The following YTHDF3 variants were observed in gnomAD, a reference collection of about 807,000 sequenced individuals.
YTHDF3 encodes the protein YTH domain-containing family protein 3.
YTHDF3 carries 9 observed loss-of-function variants against 52.5 expected under a neutral mutation model. The ratio of observed to expected loss-of-function variants is 0.17; its 90% CI spans 0.10 to 0.30. YTHDF3 has a LOEUF of 0.30. YTHDF3 is among the 10% of genes least tolerant of loss of function. YTHDF3 has a pLI of 1.00. For synonymous variants in YTHDF3, 274 were observed against 243.3 expected (o/e 1.13, Z -1.18); for missense variants, 534 against 715.0 (o/e 0.75, Z 2.89).
chr8:63,175,186 T>C, intron 2 of YTHDF3, 145 bp from the exon 3 acceptor site: 1 of 587,670 alleles, frequency 1.7e-6, no homozygotes, highest in South Asian at 2.4e-5. Context: ...TCTAAAATAG[T>C]TTATCCTTAA....
intron 4 of YTHDF3, among the ~76,000 whole-genome samples, chr8:63,205,051 C>T (rs1049439672): frequency 2.0e-5 from 3 of 152,064 alleles, no homozygotes; most frequent in African/African-American, 4.8e-5. Flanking sequence ...CAGGAGTTGG[C>T]AGTAAACTTC....
At chr8:63,201,301 A>C (rs1809628322) in intron 4 of YTHDF3, among the ~76,000 whole-genome samples, 1 of 152,078 alleles carries the variant, frequency 6.6e-6, no homozygotes, top group Non-Finnish European at 1.5e-5. Context: ...AGGCGGGAGG[A>C]TTGCTTGAGG....
intron 2 of YTHDF3, among the ~76,000 whole-genome samples, chr8:63,170,139 TTTAG>T (rs1448808143): frequency 6.6e-6 from 1 of 152,216 alleles, no homozygotes; most frequent in Non-Finnish European, 1.5e-5. Flanking sequence ...TCATGTGACA[TTTAG>T]TTAAGTATAG....
chr8:63,189,270 C>T (rs1297092234), intron 4 of YTHDF3, among the ~76,000 whole-genome samples: 1 of 152,082 alleles, frequency 6.6e-6, no homozygotes, highest in Non-Finnish European at 1.5e-5. Context: ...ATTGGCTAGA[C>T]TTTGATCACA....
chr8:63,209,605 G>C, intron 4 of YTHDF3, 78 bp from the exon 5 acceptor site: 1 of 1,316,422 alleles, frequency 7.6e-7, no homozygotes, highest in Non-Finnish European at 1.0e-6. Context: ...CATTATATGT[G>C]CATATAGTTT....
At chr8:63,199,108 G>T (rs1585779094) in intron 4 of YTHDF3, among the ~76,000 whole-genome samples, 1 of 152,040 alleles carries the variant, frequency 6.6e-6, no homozygotes, top group African/African-American at 2.4e-5. Flanking sequence ...ATTGGAAAGG[G>T]GGTGCTTCAA....
At chr8:63,173,550 AGTT>A (rs1807486701) in intron 2 of YTHDF3, 1 of 522,778 alleles carries the variant, frequency 1.9e-6, no homozygotes, top group Non-Finnish European at 2.5e-6. Flanking sequence ...ATAATTTTTA[AGTT>A]GTTAGCTGTT....
intron 4 of YTHDF3, among the ~76,000 whole-genome samples, chr8:63,206,324 A>G (rs766407598): frequency 3.3e-5 from 5 of 151,966 alleles, no homozygotes; most frequent in Non-Finnish European, 7.4e-5. Context: ...CAGCCTCCCA[A>G]AGTGCTGGGA....
At chr8:63,182,698 A>G (rs996768073) in intron 3 of YTHDF3, among the ~76,000 whole-genome samples, 16 of 152,198 alleles carry the variant, frequency 1.1e-4, no homozygotes, top group African/African-American at 3.9e-4. Context: ...CATTGCCAAC[A>G]ATCAAAATTA....
At chr8:63,178,514 T>C (rs1807852376) in intron 3 of YTHDF3, among the ~76,000 whole-genome samples, 1 of 152,246 alleles carries the variant, frequency 6.6e-6, no homozygotes, top group Non-Finnish European at 1.5e-5. Context: ...ATTTGTAAAA[T>C]AGATTTGTTT....
At position 63,186,728 on chromosome 8, in the gene YTHDF3, T is replaced by C; in HGVS notation, c.717T>C (p.Ala239=). 1.2e-6 allele frequency: 2 copies of C among 1,613,988 alleles called. No individual in the cohort carries two copies. Among genetic ancestry groups the C allele is most frequent in the Non-Finnish European group, 1.7e-6 (2 of 1,179,890 alleles). ...CAGCACCTAAACCAACCTCCTGGGCTGCCATTGCCAGAAAGCCTGCCAAAC... is the reference window on the plus strand; with the variant it reads ...CAGCACCTAAACCAACCTCCTGGGCCGCCATTGCCAGAAAGCCTGCCAAAC... ...SSAAPKPTSW[A]AIARKPAKPQ... is the part of the protein sequence containing the mutation. Residue 239 remains alanine, a synonymous_variant, in exon 4 of 5, where the codon GCT becomes GCC. Transcript: ENST00000539294.
Position 63,185,334 on chromosome 8 carries a change from A to G in YTHDF3, c.136-813A>G, listed in dbSNP as rs116050475. On this transcript the variant is annotated intron_variant, in intron 3 of 4. Coordinates refer to ENST00000539294, the MANE Select transcript of YTHDF3 (RefSeq NM_152758.6). ...GATTTTTGGCAGTTCACTAAATGAT[A>G]AGTATAGTGAAGGTTGATTTAATTG... Among the ~76,000 whole-genome samples, 1,215 of 152,120 alleles carry G rather than the reference A, an allele frequency of 8.0e-3. 23 individuals carry two copies. The highest frequency in any genetic ancestry group is 0.028 in the African/African-American group (1,170 of 41,482).
chr8:63,174,802 T>C (rs893571800), intron 2 of YTHDF3, among the ~76,000 whole-genome samples: 1 of 152,222 alleles, frequency 6.6e-6, no homozygotes, highest in African/African-American at 2.4e-5. Flanking sequence ...CATTGTGATA[T>C]TGTTTCAAGT....
intron 4 of YTHDF3, among the ~76,000 whole-genome samples, chr8:63,193,587 C>T (rs1488506206): frequency 1.3e-5 from 2 of 151,692 alleles, no homozygotes. Flanking sequence ...GAGAGCCCAT[C>T]TCTAAAATAA....
chr8:63,202,918 A>C (rs562120261), intron 4 of YTHDF3, among the ~76,000 whole-genome samples: 1 of 152,158 alleles, frequency 6.6e-6, no homozygotes, highest in East Asian at 1.9e-4. Flanking sequence ...TGAAACACGC[A>C]CACGGTGTTT....
At chr8:63,209,329 T>G (rs1294645570) in intron 4 of YTHDF3, among the ~76,000 whole-genome samples, 20 of 152,178 alleles carry the variant, frequency 1.3e-4, no homozygotes, top group Admixed American at 1.3e-3. Context: ...CTCCTGCCCC[T>G]ACCTCAGCCA....
intron 4 of YTHDF3, among the ~76,000 whole-genome samples, chr8:63,208,955 C>A (rs533037780): frequency 6.6e-6 from 1 of 152,166 alleles, no homozygotes. Context: ...GCAACCTCCA[C>A]CTCCTGGGTT....
intron 4 of YTHDF3, among the ~76,000 whole-genome samples, chr8:63,206,772 AG>A (rs1297315833): frequency 2.2e-4 from 34 of 151,934 alleles, no homozygotes; most frequent in African/African-American, 8.0e-4. Flanking sequence ...CTAAAACTTC[AG>A]CTTTTAAGTT....
At chr8:63,168,566 T>TGAGCGCGGACGTCAGAGTG (rs1356431759), upstream of YTHDF3, 4 of 494,234 alleles carry the variant, frequency 8.1e-6, no homozygotes, top group African/African-American at 8.2e-5. Flanking sequence ...AAGAGCGAGG[T>TGAGCGCGGACGTCAGAGTG]GAGCGCGGAC....
Sources: allele counts gnomAD v4.1 joint callset (sites outside exome capture counted in the v4.1 genomes callset), GRCh38; gene constraint gnomAD v4.1.1; transcripts MANE v1.5; gene names NCBI Gene and HGNC (gene_info 2026-07-23, HGNC 2026-07-21).